Variants in COL11A1 observed in about 807,000 individuals in gnomAD.
COL11A1 encodes the protein collagen alpha-1(XI) chain.
A neutral mutation model predicts 265.2 loss-of-function variants in COL11A1; 74 were observed. The ratio of observed to expected loss-of-function variants is 0.28; its 90% CI spans 0.23 to 0.34. The LOEUF (loss-of-function observed/expected upper bound fraction) is 0.34, where lower values mean the gene tolerates loss of function less well. COL11A1 is among the 10% of genes least tolerant of loss of function. The pLI is 1.00. For synonymous variants in COL11A1, 816 were observed against 727.6 expected (o/e 1.12, Z -1.96); for missense variants, 2,165 against 2,263.6 (o/e 0.96, Z 0.88).
chr1:103,103,028 C>T lies in COL11A1; in HGVS notation c.106+5045G>A, dbSNP rs943423737. On this transcript the variant is annotated intron_variant, in intron 1 of 66. Transcript: ENST00000370096. Reference sequence around the variant, plus strand: ...GTAGCCTACTAAGAGTGACTACTTCCTATACATTAACTGCCCATTTATGCC... The same window carrying T: ...GTAGCCTACTAAGAGTGACTACTTCTTATACATTAACTGCCCATTTATGCC... 2.0e-5 allele frequency among the ~76,000 whole-genome samples: 3 copies of T among 152,074 alleles called. No homozygotes were observed. In the South Asian group the frequency reaches 6.2e-4, roughly 32 times the overall value.
intron 4 of COL11A1, among the ~76,000 whole-genome samples, chr1:103,073,657 T>C (rs1229396509): frequency 6.6e-6 from 1 of 151,894 alleles, no homozygotes; most frequent in African/African-American, 2.4e-5. Flanking sequence ...CTTTCACAAA[T>C]GTTTATTATA....
intron 31 of COL11A1, among the ~76,000 whole-genome samples, chr1:102,982,479 T>C (rs1663131291): frequency 6.6e-6 from 1 of 152,080 alleles, no homozygotes; most frequent in African/African-American, 2.4e-5. Context: ...TGGCTTCTTT[T>C]ACTGATAATA....
At chr1:102,921,097 C>T (rs1352112266) in intron 48 of COL11A1, among the ~76,000 whole-genome samples, 1 of 152,058 alleles carries the variant, frequency 6.6e-6, no homozygotes, top group Admixed American at 6.6e-5. Context: ...AAGGGTGCAC[C>T]TATCACGCAC....
chr1:103,047,862 A>G (rs1200522412), intron 4 of COL11A1, among the ~76,000 whole-genome samples: 1 of 152,168 alleles, frequency 6.6e-6, no homozygotes. Flanking sequence ...TGAGATAATC[A>G]TGTAGTTTTT....
intron 30 of COL11A1, among the ~76,000 whole-genome samples, chr1:102,985,752 T>C (rs1161566848): frequency 6.6e-6 from 1 of 152,134 alleles, no homozygotes; most frequent in African/African-American, 2.4e-5. Flanking sequence ...TGTGTGACTG[T>C]TTACACATGA....
chr1:103,062,715 A>G (rs956410849), intron 4 of COL11A1, among the ~76,000 whole-genome samples: 1 of 152,048 alleles, frequency 6.6e-6, no homozygotes, highest in Non-Finnish European at 1.5e-5. Flanking sequence ...CTCTGTTAAT[A>G]TTGCATTTCT....
intron 23 of COL11A1, 80 bp from the exon 24 acceptor site, chr1:103,002,049 C>T: frequency 8.7e-7 from 1 of 1,154,772 alleles, no homozygotes; most frequent in Non-Finnish European, 1.3e-6. Context: ...TATTAGCTCA[C>T]TATAGTACAC....
chr1:103,070,519 AG>A (rs1411810258), intron 4 of COL11A1, among the ~76,000 whole-genome samples: 1 of 151,940 alleles, frequency 6.6e-6, no homozygotes, highest in Non-Finnish European at 1.5e-5. Flanking sequence ...AGTGATAAAA[AG>A]CTACTTCATG....
rs36076089 is a variant in COL11A1 at position 103,031,249 on chromosome 1, G to GA, written c.652-6dup. On this transcript the variant is annotated splice_polypyrimidine_tract_variant and splice_region_variant and intron_variant, in intron 4 of 66. Transcript: ENST00000370096. ...CAAAAACTGCTGAATGTCCCCCTGG[G>GA]AAAAAAAAAAAAACAAAAACAAACA... 56,745 of 1,351,588 alleles carry GA rather than the reference G, an allele frequency of 0.042. 159 individuals are homozygous for GA. Among genetic ancestry groups the GA allele is most frequent in the South Asian group, 0.047 (3,827 of 80,754 alleles). The allele number at this position is 1,351,588 out of a possible 1,614,324, so 83.7% of individuals were successfully genotyped here.
intron 4 of COL11A1, among the ~76,000 whole-genome samples, chr1:103,039,312 G>A (rs1668627499): frequency 1.3e-5 from 2 of 152,002 alleles, no homozygotes; most frequent in South Asian, 4.1e-4. Context: ...TGTTTATCAA[G>A]AACAGGATGA....
intron 57 of COL11A1, 56 bp downstream of exon 57, chr1:102,898,069 A>G (rs1464975769): frequency 1.7e-6 from 2 of 1,155,358 alleles, no homozygotes; most frequent in African/African-American, 1.6e-5. Flanking sequence ...CTAGCTAATA[A>G]ACAATTTTGT....
chr1:102,972,420 A>C (rs1366558523), intron 36 of COL11A1, among the ~76,000 whole-genome samples: 2 of 152,168 alleles, frequency 1.3e-5, no homozygotes, highest in African/African-American at 2.4e-5. Flanking sequence ...GAAGAATGCA[A>C]CATAATATTT....
intron 23 of COL11A1, 99 bp downstream of exon 23, chr1:103,002,329 C>T: frequency 9.4e-7 from 1 of 1,068,732 alleles, no homozygotes; most frequent in Non-Finnish European, 1.4e-6. Flanking sequence ...TTAAATATTG[C>T]TAGGACTACA....
chr1:103,034,309 G>A (rs979198188), intron 4 of COL11A1, among the ~76,000 whole-genome samples: 1 of 151,914 alleles, frequency 6.6e-6, no homozygotes, highest in Admixed American at 6.6e-5. Context: ...CTTTTTCTGG[G>A]ACTCCTATTA....
intron 35 of COL11A1, among the ~76,000 whole-genome samples, chr1:102,978,116 G>A (rs182170057): frequency 7.2e-5 from 11 of 152,108 alleles, no homozygotes; most frequent in African/African-American, 1.7e-4. Context: ...TATATCAGGA[G>A]GATAGCTTTT....
intron 24 of COL11A1, among the ~76,000 whole-genome samples, chr1:102,999,766 A>T (rs1402207046): frequency 6.6e-6 from 1 of 151,936 alleles, no homozygotes; most frequent in East Asian, 1.9e-4. Flanking sequence ...ATTAAACATT[A>T]CTATTTACCA....
chr1:102,910,786 T>TAAC (rs979703174), intron 54 of COL11A1, among the ~76,000 whole-genome samples: 28 of 152,196 alleles, frequency 1.8e-4, no homozygotes, highest in African/African-American at 6.5e-4. Context: ...ATACAGGTAA[T>TAAC]AACTGGTGTA....
chr1:103,028,578 G>T (rs1019445805), intron 5 of COL11A1, among the ~76,000 whole-genome samples: 2 of 152,054 alleles, frequency 1.3e-5, no homozygotes, highest in African/African-American at 4.8e-5. Context: ...ACAAATATAT[G>T]CAAAAAGACA....
chr1:102,883,845 C>T (rs1217941617), intron 63 of COL11A1, among the ~76,000 whole-genome samples: 2 of 151,762 alleles, frequency 1.3e-5, no homozygotes, highest in African/African-American at 4.8e-5. Flanking sequence ...TGTACTCTCT[C>T]TTTGAAGGGG....
Sources: gnomAD v4.1 joint callset for allele counts (sites outside exome capture counted in the v4.1 genomes callset) on GRCh38, gnomAD v4.1.1 for gene constraint, MANE v1.5 for transcripts, NCBI Gene and HGNC (gene_info 2026-07-23, HGNC 2026-07-21) for gene names.